The following GABRR2 variants were observed in gnomAD, a reference collection of about 807,000 sequenced individuals.
GABRR2 encodes gamma-aminobutyric acid type A receptor subunit rho2.
In GABRR2, 36 loss-of-function variants were observed where a neutral mutation model predicts 47.0. The observed-to-expected ratio is 0.77, with a 90% CI of 0.59 to 1.01. The LOEUF (loss-of-function observed/expected upper bound fraction) is 1.01, where lower values mean the gene tolerates loss of function less well. Ranked by LOEUF, GABRR2 falls within the 50% of genes least tolerant of loss-of-function variation. The pLI is 0.00. For synonymous variants in GABRR2, 204 were observed against 227.5 expected, an observed-to-expected ratio of 0.90 and a Z score of 0.93; for missense variants, 587 against 594.6, an observed-to-expected ratio of 0.99 and a Z score of 0.13.
intron 2 of GABRR2, among the ~76,000 whole-genome samples, chr6:89,284,321 G>A (rs898453858): frequency 4.6e-5 from 7 of 152,046 alleles, no homozygotes; most frequent in South Asian, 2.1e-4. Context: ...TATATATGTC[G>A]GTAGTAGGCA....
intron 2 of GABRR2, among the ~76,000 whole-genome samples, chr6:89,283,935 C>T (rs1288250788): frequency 6.6e-6 from 1 of 152,182 alleles, no homozygotes; most frequent in Non-Finnish European, 1.5e-5. Flanking sequence ...GAGACTTCTT[C>T]TGAGTAGCAC....
At chr6:89,297,059 C>T (rs1032858397) in intron 2 of GABRR2, among the ~76,000 whole-genome samples, 2 of 152,162 alleles carry the variant, frequency 1.3e-5, no homozygotes, top group South Asian at 4.1e-4. Context: ...AGCACCCACA[C>T]TCGGTGCACA....
At chr6:89,305,100 G>A (rs917963307) in intron 1 of GABRR2, among the ~76,000 whole-genome samples, 3 of 152,252 alleles carry the variant, frequency 2.0e-5, no homozygotes, top group Admixed American at 6.5e-5. Context: ...GCTCACAGCT[G>A]TAATCCCAGC....
chr6:89,258,894 CATAAT>C (rs1773674564), intron 8 of GABRR2, among the ~76,000 whole-genome samples: 1 of 146,352 alleles, frequency 6.8e-6, no homozygotes, highest in Non-Finnish European at 1.5e-5. Context: ...GCATTGAATG[CATAAT>C]ACATTTTCTC....
At chr6:89,296,544 A>G (rs2325200) in intron 2 of GABRR2, among the ~76,000 whole-genome samples, 22 of 152,134 alleles carry the variant, frequency 1.4e-4, no homozygotes, top group African/African-American at 5.1e-4. Flanking sequence ...CTTGACTTCT[A>G]TGGAAGGTGA....
intron 3 of GABRR2, chr6:89,270,620 G>A (rs1774029135): frequency 6.6e-6 from 1 of 152,232 alleles, no homozygotes; most frequent in South Asian, 2.1e-4. Flanking sequence ...GGAGCTATGG[G>A]GGGTGTACAA....
chr6:89,270,336 G>C (rs1354111734), intron 3 of GABRR2: 1 of 152,214 alleles, frequency 6.6e-6, no homozygotes, highest in Non-Finnish European at 1.5e-5. Context: ...GAGTCCACCT[G>C]CCTTCCCACA....
chr6:89,261,417 C>G (rs1016994003), intron 8 of GABRR2, among the ~76,000 whole-genome samples: 1 of 152,162 alleles, frequency 6.6e-6, no homozygotes, highest in South Asian at 2.1e-4. Flanking sequence ...ACTGACCCCC[C>G]TCTTGGTCAA....
intron 2 of GABRR2, among the ~76,000 whole-genome samples, chr6:89,295,443 G>A (rs1774537045): frequency 1.3e-5 from 2 of 152,132 alleles, no homozygotes; most frequent in African/African-American, 4.8e-5. Flanking sequence ...TGTCTTTTGA[G>A]AAGTATCTGT....
chr6:89,299,137 C>T (rs1373228592), intron 2 of GABRR2, among the ~76,000 whole-genome samples: 1 of 152,210 alleles, frequency 6.6e-6, no homozygotes, highest in Non-Finnish European at 1.5e-5. Context: ...GGGAAGGACA[C>T]CCACTGGCCA....
chr6:89,281,205 G>A (rs2127839969), intron 2 of GABRR2, among the ~76,000 whole-genome samples: 1 of 152,316 alleles, frequency 6.6e-6, no homozygotes, highest in East Asian at 1.9e-4. Flanking sequence ...ATATGGAGAT[G>A]CATAGGCCGC....
At chr6:89,267,616 TGAA>T in intron 6 of GABRR2, 60 bp downstream of exon 6, 1 of 1,484,410 alleles carries the variant, frequency 6.7e-7, no homozygotes, top group Non-Finnish European at 9.2e-7. Context: ...GGGTTAAGGC[TGAA>T]GAAGAATTCA....
rs541592724 is a variant in GABRR2, at chr6:89,289,608, C to T, written c.220+10151G>A. Among the ~76,000 whole-genome samples, 40 of 151,986 alleles carry T rather than the reference C, an allele frequency of 2.6e-4. No homozygotes were observed. In the South Asian group the frequency reaches 6.2e-3, roughly 24 times the overall value. The stretch of plus-strand genomic sequence containing the variant: ...ACATGGGTGTAAGGGATGGGGGGCA[C>T]GCCAGAGCAGGGGAATAAGGGACAG... On this transcript the variant is annotated intron_variant, in intron 2 of 8. Transcript: ENST00000402938.
chr6:89,311,721 T>C (rs1462217663), intron 1 of GABRR2, among the ~76,000 whole-genome samples: 1 of 152,188 alleles, frequency 6.6e-6, no homozygotes, highest in South Asian at 2.1e-4. Context: ...CCCTCCTCCC[T>C]GTGCAGGCCC....
chr6:89,286,907 C>T (rs1774342703), intron 2 of GABRR2, among the ~76,000 whole-genome samples: 1 of 152,140 alleles, frequency 6.6e-6, no homozygotes, highest in Non-Finnish European at 1.5e-5. Context: ...GGGAAGAAGC[C>T]CGAGGGAGCC....
At chr6:89,267,985 G>T in intron 5 of GABRR2, 29 bp downstream of exon 5, 1 of 1,600,600 alleles carries the variant, frequency 6.2e-7, no homozygotes, top group South Asian at 1.1e-5. Context: ...AGGAAAGAAA[G>T]TGAAGGAATT....
At chr6:89,287,910 C>T (rs1774358989) in intron 2 of GABRR2, among the ~76,000 whole-genome samples, 1 of 152,190 alleles carries the variant, frequency 6.6e-6, no homozygotes, top group African/African-American at 2.4e-5. Flanking sequence ...TGAACAGGTG[C>T]TATAATTATC....
Position 89,267,759 on chromosome 6 carries a change from G to T in GABRR2, c.656C>A (p.Thr219Lys). Residue 219 changes from threonine (T) to lysine (K), a missense_variant, in exon 6 of 9, where the codon ACA (threonine) becomes AAA (lysine). Thr to Lys is a moderately conservative substitution (Grantham distance 78). Transcript: ENST00000402938. ...CTGAGACAAGGAGATCTTCTCATCT[G>T]TTTTTAGGGATTCATCCCCATTCTT... ...YWKNGDESLK[T>K]DEKISLSQFL... The T allele has an allele frequency of 6.2e-7, 1 of 1,613,836 alleles. No individual in the cohort carries two copies. The highest frequency in any genetic ancestry group is 8.5e-7 in the Non-Finnish European group (1 of 1,179,764).
chr6:89,305,408 G>A (rs1464370780), intron 1 of GABRR2, among the ~76,000 whole-genome samples: 2 of 152,178 alleles, frequency 1.3e-5, no homozygotes, highest in African/African-American at 4.8e-5. Context: ...AGCTGGGGGT[G>A]GTGGCTCACA....
Sources: allele counts gnomAD v4.1 joint callset (sites outside exome capture counted in the v4.1 genomes callset), GRCh38; gene constraint gnomAD v4.1.1; transcripts MANE v1.5; gene names NCBI Gene and HGNC (gene_info 2026-07-23, HGNC 2026-07-21).